Variants in RBPJ observed in about 807,000 individuals in gnomAD.
The protein encoded by RBPJ is recombination signal binding protein for immunoglobulin kappa J region, also known as recombining binding protein suppressor of hairless.
In RBPJ, 9 loss-of-function variants were observed where a neutral mutation model predicts 67.8. That is an observed-to-expected ratio of 0.13 (90% confidence interval 0.08 to 0.23). The LOEUF (loss-of-function observed/expected upper bound fraction) is 0.23, where lower values mean the gene tolerates loss of function less well. Ranked by LOEUF, RBPJ falls within the 10% of genes least tolerant of loss-of-function variation. The probability of loss-of-function intolerance (pLI) is 1.00; values close to 1 mark genes in which losing one functional copy is unlikely to be tolerated. For missense variants in RBPJ, 305 were observed against 595.6 expected, an observed-to-expected ratio of 0.51 and a Z score of 5.08; for synonymous variants, 198 against 203.3, an observed-to-expected ratio of 0.97 and a Z score of 0.22.
At chr4:26,344,696 A>G (rs1725951383) in intron 1 of RBPJ, among the ~76,000 whole-genome samples, 5 of 152,208 alleles carry the variant, frequency 3.3e-5, no homozygotes, top group Admixed American at 2.6e-4. Flanking sequence ...AAGAGAAAAA[A>G]GGAAGGGTGG....
Position 26,424,557 on chromosome 4 carries a change from A to T in RBPJ, c.635-74A>T. 6.4e-7 allele frequency: 1 copy of T among 1,565,698 alleles called. No homozygotes were observed. The highest frequency in any genetic ancestry group is 8.7e-7 in the Non-Finnish European group (1 of 1,142,934). On this transcript the variant is annotated intron_variant, in intron 6 of 10. Transcript: ENST00000355476. This position sits in a 1 kb window ranked among gnomAD's most constrained non-coding sequence, Gnocchi z 5.3. ...TTTGATGAGATACATGGATATATTA[A>T]GTTTTGTCATTTGCCTAATCATAAA...
the RBPJ span, among the ~76,000 whole-genome samples, chr4:26,155,980 G>A: frequency 5.3e-5 from 8 of 152,258 alleles, no homozygotes; most frequent in African/African-American, 1.7e-4. Flanking sequence ...ATCACTGAGA[G>A]GCAGAAAGGG....
chr4:26,304,795 T>C (rs1722181317), intron 1 of RBPJ, among the ~76,000 whole-genome samples: 1 of 152,056 alleles, frequency 6.6e-6, no homozygotes, highest in African/African-American at 2.4e-5. Flanking sequence ...TGTATTTTTT[T>C]TTTTTTTACT....
At chr4:26,254,487 T>C (rs1399700432) in intron 1 of RBPJ, among the ~76,000 whole-genome samples, 2 of 148,794 alleles carry the variant, frequency 1.3e-5, no homozygotes, top group Admixed American at 1.3e-4. Flanking sequence ...TTGCTTCCTT[T>C]CATGGCCCTT....
intron 1 of RBPJ, among the ~76,000 whole-genome samples, chr4:26,223,777 C>A (rs1329391045): frequency 1.3e-5 from 2 of 152,206 alleles, no homozygotes; most frequent in African/African-American, 4.8e-5. Flanking sequence ...GAGGATAGAC[C>A]AAGGCCAGGA....
the RBPJ span, among the ~76,000 whole-genome samples, chr4:26,128,800 G>A: frequency 6.6e-6 from 1 of 152,058 alleles, no homozygotes; most frequent in African/African-American, 2.4e-5. Context: ...TCATGGGGGT[G>A]GTTTCCCCCA....
chr4:26,296,252 G>A lies in RBPJ; in HGVS notation c.-166-66194G>A, dbSNP rs561960765. 2.0e-5 allele frequency among the ~76,000 whole-genome samples: 3 copies of A among 152,270 alleles called. No individual in the cohort carries two copies. In the East Asian group the frequency reaches 5.8e-4, roughly 29 times the overall value. Reference sequence around the variant, plus strand: ...TCCCGCTATAATTACAGGAACACAAGGCTGTTAGTCACATCCCTACCTACC... The same window carrying A: ...TCCCGCTATAATTACAGGAACACAAAGCTGTTAGTCACATCCCTACCTACC... On this transcript the variant is annotated intron_variant, in intron 1 of 4. Coordinates refer to the RBPJ transcript ENST00000512351.
chr4:26,398,126 T>C (rs1732348004), intron 2 of RBPJ, among the ~76,000 whole-genome samples: 1 of 152,108 alleles, frequency 6.6e-6, no homozygotes, highest in South Asian at 2.1e-4. Flanking sequence ...ACAACAAAAA[T>C]AAGTTTCTTC....
chr4:26,154,807 G>A, the RBPJ span, among the ~76,000 whole-genome samples: 1 of 151,974 alleles, frequency 6.6e-6, no homozygotes, highest in Admixed American at 6.5e-5. Context: ...GCAAGGGAGG[G>A]AGCAAAAAAG....
chr4:26,258,791 ATTATTTATTTAT>A (rs140692847), intron 1 of RBPJ, among the ~76,000 whole-genome samples: 3 of 148,654 alleles, frequency 2.0e-5, no homozygotes, highest in African/African-American at 5.0e-5. Context: ...ACATTTTTTT[ATTATTTATTTAT>A]TTATTTATTT....
intron 1 of RBPJ, among the ~76,000 whole-genome samples, chr4:26,211,910 A>G (rs527244173): frequency 6.6e-6 from 1 of 152,296 alleles, no homozygotes; most frequent in African/African-American, 2.4e-5. Context: ...AAAAGGAAAA[A>G]TTTGGACACA....
the RBPJ span, among the ~76,000 whole-genome samples, chr4:26,157,200 C>T: frequency 1.3e-4 from 19 of 151,992 alleles, no homozygotes; most frequent in East Asian, 3.9e-4. Flanking sequence ...GAAGCCAAGA[C>T]GGGAGGATTG....
intron 1 of RBPJ, among the ~76,000 whole-genome samples, chr4:26,226,447 C>G (rs1018815703): frequency 6.6e-6 from 1 of 152,084 alleles, no homozygotes; most frequent in South Asian, 2.1e-4. Context: ...TGCACTTGAG[C>G]CTGAGTGACA....
intron 1 of RBPJ, among the ~76,000 whole-genome samples, chr4:26,201,398 C>G (rs1166976539): frequency 6.6e-6 from 1 of 152,176 alleles, no homozygotes; most frequent in African/African-American, 2.4e-5. Flanking sequence ...AGCTTTAGCT[C>G]TATTACAGTG....
At chr4:26,176,665 C>T (rs557060893) in intron 1 of RBPJ, among the ~76,000 whole-genome samples, 7 of 152,220 alleles carry the variant, frequency 4.6e-5, no homozygotes, top group Non-Finnish European at 5.9e-5. Flanking sequence ...CACTTCCCCA[C>T]GTATATAGGC....
the RBPJ span, among the ~76,000 whole-genome samples, chr4:26,150,436 C>T: frequency 1.3e-5 from 2 of 152,298 alleles, no homozygotes; most frequent in East Asian, 3.9e-4. Flanking sequence ...TATGGCTTTG[C>T]CTACACTCTG....
chr4:26,405,267 T>C (rs1733276513), intron 2 of RBPJ, among the ~76,000 whole-genome samples: 1 of 152,202 alleles, frequency 6.6e-6, no homozygotes, highest in Non-Finnish European at 1.5e-5. Flanking sequence ...TTTAATAACG[T>C]ATTACTATTG....
intron 1 of RBPJ, among the ~76,000 whole-genome samples, chr4:26,277,274 C>CAAAAA (rs754017128): frequency 5.3e-5 from 6 of 113,442 alleles, no homozygotes; most frequent in African/African-American, 1.5e-4. Context: ...CCTGTTTGTT[C>CAAAAA]AAAAAAAAAA....
chr4:26,316,505 A>AG (rs1229402387), upstream of RBPJ, among the ~76,000 whole-genome samples: 1 of 57,060 alleles, frequency 1.8e-5, no homozygotes, highest in African/African-American at 5.7e-5. Context: ...ATATTCATAT[A>AG]TATTCATATA....
Sources: allele counts gnomAD v4.1 joint callset (sites outside exome capture counted in the v4.1 genomes callset), GRCh38; gene constraint gnomAD v4.1.1; non-coding constraint Gnocchi (gnomAD v3.1); transcripts MANE v1.5; gene names NCBI Gene and HGNC (gene_info 2026-07-23, HGNC 2026-07-21).